RGS3: variants seen among roughly 807,000 people sequenced by gnomAD.
RGS3 encodes regulator of G-protein signalling 3.
In RGS3, 80 loss-of-function variants were observed where a neutral mutation model predicts 132.6. That is an observed-to-expected ratio of 0.60 (90% CI 0.50 to 0.73). RGS3 has a LOEUF of 0.73. Ranked by LOEUF, RGS3 falls within the 30% of genes least tolerant of loss-of-function variation. The pLI is 0.00. For missense variants in RGS3, 1,382 were observed against 1,530.8 expected (o/e 0.90, Z 1.62); for synonymous variants, 598 against 620.6 (o/e 0.96, Z 0.54).
At chr9:113,529,687 G>T (rs192110841) in intron 18 of RGS3, among the ~76,000 whole-genome samples, 32 of 152,304 alleles carry the variant, frequency 2.1e-4, no homozygotes, top group Non-Finnish European at 3.4e-4. Context: ...CTTGTACAGG[G>T]TCTTGTCAGT....
chr9:113,597,046 A>T (rs1835823884), exon 25 of RGS3: 15 of 1,111,706 alleles, frequency 1.3e-5, no homozygotes, highest in Non-Finnish European at 9.0e-6. Flanking sequence ...GGGGCAAGCA[A>T]GCCCCCAGAG....
chr9:113,530,265 C>T (rs1832406412), intron 18 of RGS3, among the ~76,000 whole-genome samples: 1 of 152,244 alleles, frequency 6.6e-6, no homozygotes, highest in South Asian at 2.1e-4. Flanking sequence ...AGTTTTTGAA[C>T]AGCCCCCTGG....
At chr9:113,448,023 A>G (rs1229275652) in intron 1 of RGS3, among the ~76,000 whole-genome samples, 1 of 151,346 alleles carries the variant, frequency 6.6e-6, no homozygotes, top group Non-Finnish European at 1.5e-5. Flanking sequence ...ATGCCCAGCT[A>G]TTTTTTATAT....
intron 1 of RGS3, among the ~76,000 whole-genome samples, chr9:113,447,384 G>A (rs1829138789): frequency 1.2e-5 from 1 of 80,230 alleles, no homozygotes; most frequent in Non-Finnish European, 2.5e-5. Flanking sequence ...AGATAAATAA[G>A]GTAGAAATGT....
chr9:113,499,376 G>C (rs551244292), intron 10 of RGS3, among the ~76,000 whole-genome samples: 8 of 152,230 alleles, frequency 5.3e-5, no homozygotes, highest in Non-Finnish European at 1.2e-4. Context: ...ATGGTTCAGA[G>C]CATTAGGCCC....
At chr9:113,559,827 C>T (rs888166193) in intron 19 of RGS3, among the ~76,000 whole-genome samples, 3 of 152,216 alleles carry the variant, frequency 2.0e-5, no homozygotes, top group Non-Finnish European at 4.4e-5. Flanking sequence ...AGCCCCTCAA[C>T]AGGTGTTATC....
chr9:113,475,570 T>C (rs1829966723), intron 3 of RGS3, among the ~76,000 whole-genome samples: 1 of 152,062 alleles, frequency 6.6e-6, no homozygotes, highest in South Asian at 2.1e-4. Flanking sequence ...GGTGCCCGGC[T>C]ATTTTTTTAA....
intron 1 of RGS3, among the ~76,000 whole-genome samples, chr9:113,448,760 A>G (rs1363685149): frequency 6.6e-6 from 1 of 152,230 alleles, no homozygotes; most frequent in Non-Finnish European, 1.5e-5. Context: ...ATGAAAAAAT[A>G]TATATGATGT....
intron 19 of RGS3, among the ~76,000 whole-genome samples, chr9:113,567,713 A>G (rs1026389381): frequency 2.0e-5 from 3 of 152,194 alleles, no homozygotes; most frequent in African/African-American, 4.8e-5. Context: ...AATTCACAGC[A>G]TAGCCTGGGC....
chr9:113,448,126 G>A (rs1829154896), intron 1 of RGS3, among the ~76,000 whole-genome samples: 2 of 152,092 alleles, frequency 1.3e-5, no homozygotes, highest in Admixed American at 6.6e-5. Context: ...CCAAAGTACT[G>A]TGATTATAGG....
intron 16 of RGS3, chr9:113,522,526 A>G (rs1168295300): frequency 5.9e-6 from 1 of 169,564 alleles, no homozygotes; most frequent in Non-Finnish European, 1.3e-5. Context: ...AAAAGCAAAT[A>G]TGGAAAATCT....
At chr9:113,452,079 G>T (rs1045188050) in intron 1 of RGS3, among the ~76,000 whole-genome samples, 1 of 152,064 alleles carries the variant, frequency 6.6e-6, no homozygotes, top group African/African-American at 2.4e-5. Context: ...GCTCACTGCA[G>T]CCTCAAATTC....
rs1588130953 is a variant in RGS3 at position 113,461,603 on chromosome 9, C to T, written c.81-104C>T. ...ATCTTCCAACTGAATATGTTAGCTG[C>T]AGAGTGGGGCAGGAGTCAGGAGGGG... On this transcript the variant is annotated intron_variant, in intron 1 of 24. Transcript: ENST00000350696. 1.8e-5 allele frequency: 21 copies of T among 1,150,216 alleles called. No individual in the cohort carries two copies. In the East Asian group the frequency reaches 4.3e-4, roughly 23 times the overall value. The allele number at this position is 1,150,216 out of a possible 1,614,324, so 71.3% of individuals were successfully genotyped here.
chr9:113,479,586 C>T (rs1166638351), intron 4 of RGS3, 45 bp downstream of exon 2: 1 of 1,590,470 alleles, frequency 6.3e-7, no homozygotes, highest in African/African-American at 1.3e-5. Flanking sequence ...GGGCGGGCCA[C>T]TCAGCTTGCT....
intron 4 of RGS3, among the ~76,000 whole-genome samples, chr9:113,482,046 C>CA (rs1234435107): frequency 0.011 from 1,085 of 94,866 alleles, 4 homozygotes; most frequent in African/African-American, 0.029. Flanking sequence ...AACTCCATCT[C>CA]AAAAAAAAAA....
intron 10 of RGS3, among the ~76,000 whole-genome samples, chr9:113,502,444 G>A (rs576897243): frequency 6.6e-6 from 1 of 152,362 alleles, no homozygotes; most frequent in South Asian, 2.1e-4. Flanking sequence ...CCAGGGAGAT[G>A]CCCAGAGGGG....
In RGS3 at chr9:113,463,015, G is replaced by A. The variant is rs1564447246; in HGVS notation, c.415+814G>A. On this transcript the variant is annotated intron_variant, in intron 3 of 24. Coordinates refer to ENST00000350696, the Ensembl canonical transcript of RGS3. The surrounding 1 kb of genome is among the most constrained non-coding windows in gnomAD (Gnocchi z 4.6). ...CAGCAAAGCAGGGTTTGACCTTCCA[G>A]CTCTGCCTCCCCGCACCAGGCTGGG... 6.6e-6 allele frequency among the ~76,000 whole-genome samples: 1 copy of A among 152,206 alleles called. No homozygotes were observed. The highest frequency in any genetic ancestry group is 6.5e-5 in the Admixed American group (1 of 15,284).
intron 21 of RGS3, chr9:113,592,980 G>A (rs1564622898): frequency 2.0e-5 from 3 of 151,894 alleles, no homozygotes; most frequent in African/African-American, 2.4e-5. Context: ...TATTTTACAC[G>A]TGAATAAACT....
At chr9:113,515,504 G>A (rs1056997328) in intron 15 of RGS3, among the ~76,000 whole-genome samples, 7 of 152,010 alleles carry the variant, frequency 4.6e-5, no homozygotes, top group East Asian at 3.9e-4. Context: ...GGTGGCAGGC[G>A]CCTGTAATCC....
Sources: allele counts gnomAD v4.1 joint callset (sites outside exome capture counted in the v4.1 genomes callset), GRCh38; gene constraint gnomAD v4.1.1; non-coding constraint Gnocchi (gnomAD v3.1); transcripts MANE v1.5; gene names NCBI Gene and HGNC (gene_info 2026-07-23, HGNC 2026-07-21).